Variants in TRIM2 observed in about 807,000 individuals in gnomAD.
TRIM2 encodes the protein tripartite motif-containing protein 2.
In TRIM2, 20 loss-of-function variants were observed where a neutral mutation model predicts 75.2. The ratio of observed to expected loss-of-function variants is 0.27; its 90% CI spans 0.19 to 0.39. The LOEUF (loss-of-function observed/expected upper bound fraction) is 0.39. Ranked by LOEUF, TRIM2 falls within the 10% of genes least tolerant of loss-of-function variation. TRIM2 has a pLI of 1.00. For synonymous variants in TRIM2, 373 were observed against 388.3 expected, an observed-to-expected ratio of 0.96 and a Z score of 0.46; for missense variants, 660 against 990.8, an observed-to-expected ratio of 0.67 and a Z score of 4.48.
chr4:153,304,015 T>C (rs1764469613), intron 6 of TRIM2, among the ~76,000 whole-genome samples: 1 of 152,194 alleles, frequency 6.6e-6, no homozygotes, highest in African/African-American at 2.4e-5. Context: ...TGGAGTGCCT[T>C]CAGCATAAAT....
At chr4:153,328,221 T>C (rs1184802576) in intron 10 of TRIM2, among the ~76,000 whole-genome samples, 2 of 152,258 alleles carry the variant, frequency 1.3e-5, no homozygotes, top group Non-Finnish European at 2.9e-5. Flanking sequence ...TTGAAAATTA[T>C]AGCACTTCTT....
chr4:153,192,218 C>T (rs994504914), intron 1 of TRIM2, among the ~76,000 whole-genome samples: 3 of 152,190 alleles, frequency 2.0e-5, no homozygotes, highest in Admixed American at 2.0e-4. Flanking sequence ...CCACTATAAC[C>T]AGCATTGTAT....
intron 1 of TRIM2, among the ~76,000 whole-genome samples, chr4:153,183,722 AAGG>A (rs1417315687): frequency 6.6e-6 from 1 of 152,178 alleles, no homozygotes; most frequent in African/African-American, 2.4e-5. Context: ...AGTTTGGCCA[AAGG>A]AGGAGGCCTG....
At chr4:153,239,834 C>CTTTTTTTTTT (rs372940429) in intron 1 of TRIM2, among the ~76,000 whole-genome samples, 1 of 117,700 alleles carries the variant, frequency 8.5e-6, no homozygotes, top group Non-Finnish European at 1.7e-5. Flanking sequence ...CTTTCTTTCT[C>CTTTTTTTTTT]TTTTTTTTTT....
At chr4:153,222,514 T>G (rs1449330130) in intron 1 of TRIM2, 1 of 152,124 alleles carries the variant, frequency 6.6e-6, no homozygotes, top group Non-Finnish European at 1.5e-5. Flanking sequence ...GGGCACCAAC[T>G]TGCGTGTTTG....
chr4:153,273,188 A>G (rs1757154200), intron 2 of TRIM2, among the ~76,000 whole-genome samples: 1 of 151,562 alleles, frequency 6.6e-6, no homozygotes, highest in Non-Finnish European at 1.5e-5. Flanking sequence ...TCTCACTGTC[A>G]GGAGAGTGAG....
intron 1 of TRIM2, among the ~76,000 whole-genome samples, chr4:153,217,308 C>A (rs538219124): frequency 6.6e-6 from 1 of 152,116 alleles, no homozygotes; most frequent in East Asian, 1.9e-4. Context: ...CACTGAAATA[C>A]AAAGTATATG....
intron 1 of TRIM2, among the ~76,000 whole-genome samples, chr4:153,170,213 TCA>T (rs1447052106): frequency 6.6e-6 from 1 of 152,230 alleles, no homozygotes; most frequent in East Asian, 1.9e-4. Context: ...TTAATCAACC[TCA>T]GTTATACAGT....
intron 6 of TRIM2, among the ~76,000 whole-genome samples, chr4:153,300,899 T>C (rs1023883058): frequency 3.3e-5 from 5 of 151,806 alleles, no homozygotes; most frequent in African/African-American, 1.2e-4. Context: ...ATTTTAAAAA[T>C]AGACATGGGG....
chr4:153,295,191 C>G lies in TRIM2; in HGVS notation c.787-122C>G. ...CTGGGTTCCCTGGGTTGACAAACAC[C>G]GCTTGCTCAGAGCCACCTGCGTGGG... On this transcript the variant is annotated intron_variant, in intron 5 of 11. Transcript: ENST00000338700. This position sits in a 1 kb window ranked among gnomAD's most constrained non-coding sequence, Gnocchi z 7.2. The G allele has an allele frequency of 7.5e-7, 1 of 1,341,824 alleles. No homozygotes were observed. The highest frequency in any genetic ancestry group is 9.9e-7 in the Non-Finnish European group (1 of 1,012,680). 83.1% of individuals were successfully genotyped at this position (1,341,824 alleles called of 1,614,324 possible). A position where few individuals can be genotyped will look rare whatever the true frequency, so the allele number is the denominator to read the frequency against.
chr4:153,158,187 G>A (rs1729415900), intron 1 of TRIM2, among the ~76,000 whole-genome samples: 1 of 152,176 alleles, frequency 6.6e-6, no homozygotes, highest in African/African-American at 2.4e-5. Context: ...CCAGTCTATT[G>A]CTTTGAACCT....
chr4:153,166,697 T>C (rs1730363981), intron 1 of TRIM2, among the ~76,000 whole-genome samples: 2 of 152,114 alleles, frequency 1.3e-5, no homozygotes, highest in African/African-American at 2.4e-5. Flanking sequence ...TACAGAGGCT[T>C]ATGCCACCAT....
chr4:153,275,810 T>A (rs1182145415), intron 2 of TRIM2, 83 bp from the exon 3 acceptor site: 2 of 1,269,094 alleles, frequency 1.6e-6, no homozygotes, highest in Non-Finnish European at 2.2e-6. Flanking sequence ...ATACCTTGTG[T>A]AGTCACTGAG....
chr4:153,259,942 G>T (rs764058233), intron 1 of TRIM2, among the ~76,000 whole-genome samples: 1 of 151,928 alleles, frequency 6.6e-6, no homozygotes, highest in African/African-American at 2.4e-5. Context: ...TTACCTCTTC[G>T]GTCTTCACAT....
chr4:153,208,102 C>A (rs759148155), intron 1 of TRIM2, among the ~76,000 whole-genome samples: 5 of 152,068 alleles, frequency 3.3e-5, no homozygotes, highest in Non-Finnish European at 7.4e-5. Flanking sequence ...TCAAGACCAG[C>A]CTGGGCAACA....
intron 6 of TRIM2, among the ~76,000 whole-genome samples, chr4:153,314,906 G>C (rs1015746851): frequency 5.3e-5 from 8 of 152,114 alleles, no homozygotes; most frequent in Non-Finnish European, 5.9e-5. Flanking sequence ...TGTAAAATAA[G>C]GCCCTTTCCT....
intron 3 of TRIM2, among the ~76,000 whole-genome samples, chr4:153,284,065 G>C (rs1304468484): frequency 2.0e-5 from 3 of 150,190 alleles, no homozygotes; most frequent in Non-Finnish European, 4.4e-5. Context: ...TTTAAGTAGA[G>C]ATGGGGTTTC....
intron 1 of TRIM2, among the ~76,000 whole-genome samples, chr4:153,165,487 T>C (rs542500008): frequency 9.9e-5 from 15 of 152,024 alleles, no homozygotes; most frequent in Non-Finnish European, 2.1e-4. Context: ...CATGCCACCA[T>C]GCCTGGCTAT....
intron 1 of TRIM2, among the ~76,000 whole-genome samples, chr4:153,190,878 C>A (rs544974561): frequency 3.8e-4 from 58 of 152,228 alleles, no homozygotes; most frequent in African/African-American, 1.3e-3. Context: ...GCTGGGGTTA[C>A]AAGTGGCCGC....
Sources: allele counts gnomAD v4.1 joint callset (sites outside exome capture counted in the v4.1 genomes callset), GRCh38; gene constraint gnomAD v4.1.1; non-coding constraint Gnocchi (gnomAD v3.1); transcripts MANE v1.5; gene names NCBI Gene and HGNC (gene_info 2026-07-23, HGNC 2026-07-21).